The following KCNIP4 variants were observed in gnomAD, a reference collection of about 807,000 sequenced individuals.
KCNIP4 encodes Kv channel-interacting protein 4.
In KCNIP4, 12 loss-of-function variants were observed where a neutral mutation model predicts 34.0. That is an observed-to-expected ratio of 0.35 (90% CI 0.23 to 0.57). The LOEUF (loss-of-function observed/expected upper bound fraction) is 0.57. Among genes scored for constraint, KCNIP4 ranks in the 20% least tolerant of loss-of-function variants. KCNIP4 has a pLI of 0.83. For synonymous variants in KCNIP4, 124 were observed against 102.2 expected (o/e 1.21, Z -1.29); for missense variants, 238 against 311.7 (o/e 0.76, Z 1.78).
chr4:21,885,691 C>T (rs1466818044), intron 1 of KCNIP4, among the ~76,000 whole-genome samples: 1 of 152,104 alleles, frequency 6.6e-6, no homozygotes, highest in Admixed American at 6.6e-5. Context: ...ACGTGTTTTG[C>T]TTTAAATGTC....
At chr4:21,843,099 C>T (rs73108068) in intron 1 of KCNIP4, among the ~76,000 whole-genome samples, 3,225 of 152,012 alleles carry the variant, frequency 0.021, 95 homozygotes, top group African/African-American at 0.074. Context: ...AGGGTAAAAG[C>T]CCCAAATTTG....
At chr4:21,715,633 T>C (rs1049717594) in intron 1 of KCNIP4, among the ~76,000 whole-genome samples, 10 of 152,324 alleles carry the variant, frequency 6.6e-5, no homozygotes, top group Admixed American at 6.5e-4. Flanking sequence ...TTCAACACAG[T>C]TTAACAAATA....
rs1224302098 is a variant in KCNIP4, at chr4:21,172,274, C to T, written c.62-289565G>A. Among the ~76,000 whole-genome samples, 35 of 152,202 alleles carry T rather than the reference C, an allele frequency of 2.3e-4. No homozygotes were observed. The East Asian group carries it at 2.9e-3, about 13-fold the overall frequency. Reference sequence around the variant, plus strand: ...CTCAAACACCTGACCTCAAGCAATCCGCCGGCCTTGACCTCCCAAAGTGCT... The same window carrying T: ...CTCAAACACCTGACCTCAAGCAATCTGCCGGCCTTGACCTCCCAAAGTGCT... On this transcript the variant is annotated intron_variant, in intron 1 of 8. Transcript: ENST00000382152.
intron 3 of KCNIP4, among the ~76,000 whole-genome samples, chr4:20,845,998 T>A (rs1720323212): frequency 6.6e-6 from 1 of 152,204 alleles, no homozygotes; most frequent in South Asian, 2.1e-4. Flanking sequence ...GAATGAATGT[T>A]TTCTAAATCC....
intron 1 of KCNIP4, among the ~76,000 whole-genome samples, chr4:20,932,019 C>G (rs75817201): frequency 5.5e-5 from 2 of 36,238 alleles, no homozygotes; most frequent in Non-Finnish European, 9.3e-5. Context: ...TAGTCTATAA[C>G]AGTCTAATAT....
intron 1 of KCNIP4, among the ~76,000 whole-genome samples, chr4:21,219,589 A>T (rs1231470378): frequency 6.6e-6 from 1 of 152,214 alleles, no homozygotes; most frequent in South Asian, 2.1e-4. Context: ...TACATTCTCA[A>T]ATTAACCTAC....
chr4:21,042,075 T>C (rs1418803658), intron 1 of KCNIP4, among the ~76,000 whole-genome samples: 4 of 152,236 alleles, frequency 2.6e-5, no homozygotes, highest in African/African-American at 9.6e-5. Context: ...CATTCTGTCA[T>C]CTCTGGATTG....
intron 1 of KCNIP4, among the ~76,000 whole-genome samples, chr4:20,938,879 C>T (rs778968044): frequency 2.6e-5 from 4 of 152,156 alleles, no homozygotes; most frequent in Non-Finnish European, 5.9e-5. Context: ...CCTCTTTATC[C>T]TGAACTTCAC....
chr4:21,578,262 GGCGGACGTT>G (rs1233129994), intron 1 of KCNIP4, among the ~76,000 whole-genome samples: 2 of 149,006 alleles, frequency 1.3e-5, no homozygotes, highest in African/African-American at 4.9e-5. Context: ...GAACCCGGGA[GGCGGACGTT>G]GCAGTGAGCC....
In KCNIP4 at chr4:20,885,872, CT is replaced by C. The variant is rs559945524; in HGVS notation, c.62-3164del. Among the ~76,000 whole-genome samples the C allele has an allele frequency of 2.2e-4, 34 of 152,268 alleles. No homozygotes were observed. In the South Asian group the frequency reaches 6.2e-3, roughly 28 times the overall value. On this transcript the variant is annotated intron_variant, in intron 1 of 8. Coordinates refer to ENST00000382152, the MANE Select transcript of KCNIP4 (RefSeq NM_025221.6). ...TCACATGCTATTATCTGAATCTAAA[CT>C]TCTGCTTTACTTTCTCTTCATCTGG...
intron 1 of KCNIP4, among the ~76,000 whole-genome samples, chr4:21,867,341 GA>G (rs964313787): frequency 2.0e-5 from 3 of 152,164 alleles, no homozygotes; most frequent in Non-Finnish European, 2.9e-5. Flanking sequence ...AAATTTACCA[GA>G]GGGGGTGGGG....
chr4:21,660,140 A>T (rs1049458703), intron 1 of KCNIP4, among the ~76,000 whole-genome samples: 48 of 152,128 alleles, frequency 3.2e-4, no homozygotes, highest in African/African-American at 1.1e-3. Context: ...CCACCAGGAA[A>T]TATCTTCCCT....
At chr4:21,221,539 AACTC>A (rs1335983840) in intron 1 of KCNIP4, among the ~76,000 whole-genome samples, 3 of 152,092 alleles carry the variant, frequency 2.0e-5, no homozygotes, top group Non-Finnish European at 2.9e-5. Flanking sequence ...ATCTTGTGAG[AACTC>A]ACTCACTATC....
intron 1 of KCNIP4, among the ~76,000 whole-genome samples, chr4:21,252,532 T>G (rs746988796): frequency 6.6e-6 from 1 of 152,028 alleles, no homozygotes. Flanking sequence ...AGTGAACCAT[T>G]CCACACCATC....
At chr4:21,904,455 A>G (rs745951242) in intron 1 of KCNIP4, among the ~76,000 whole-genome samples, 54 of 152,190 alleles carry the variant, frequency 3.5e-4, no homozygotes, top group Non-Finnish European at 5.9e-4. Context: ...GCTGTTCCAT[A>G]AATATTCATT....
In KCNIP4 at chr4:21,365,514, TAAATAAATAAAAAATAAAGAAAGAAAA is replaced by T. The variant is rs759620504; in HGVS notation, c.62-482832_62-482806del. Among the ~76,000 whole-genome samples the T allele has an allele frequency of 7.3e-3, 674 of 91,924 alleles. 9 individuals are homozygous for T. Among genetic ancestry groups the T allele is most frequent in the African/African-American group, 0.023 (520 of 22,636 alleles). The allele number at this position is 91,924 out of a possible 152,430, so 60.3% of individuals were successfully genotyped here. ...ATAAATAAATAAATAAATAAATAAATAAATAAATAAAAAATAAAGAAAGAAAAGAAAAAGAAAAAAAAATACTTCAAA... is the reference window on the plus strand; with the variant it reads ...ATAAATAAATAAATAAATAAATAAATGAAAAAGAAAAAAAAATACTTCAAA... On this transcript the variant is annotated intron_variant, in intron 1 of 8. Transcript: ENST00000382152.
At chr4:20,772,231 T>C (rs1391698266) in intron 3 of KCNIP4, among the ~76,000 whole-genome samples, 1 of 152,170 alleles carries the variant, frequency 6.6e-6, no homozygotes, top group Admixed American at 6.5e-5. Flanking sequence ...AAAAGTTAAC[T>C]AAGGGGTAAC....
chr4:21,689,007 T>C (rs1751035171), intron 1 of KCNIP4, among the ~76,000 whole-genome samples: 1 of 152,080 alleles, frequency 6.6e-6, no homozygotes, highest in Non-Finnish European at 1.5e-5. Flanking sequence ...TCTTAGCATA[T>C]GTTGGTTGGT....
At chr4:21,194,360 T>A (rs951701426) in intron 1 of KCNIP4, among the ~76,000 whole-genome samples, 1 of 152,120 alleles carries the variant, frequency 6.6e-6, no homozygotes. Context: ...AAAAATGAGG[T>A]TTATTGACGA....
Sources: allele counts gnomAD v4.1 joint callset (sites outside exome capture counted in the v4.1 genomes callset), GRCh38; gene constraint gnomAD v4.1.1; transcripts MANE v1.5; gene names NCBI Gene and HGNC (gene_info 2026-07-23, HGNC 2026-07-21).